ARB2A: variants seen among roughly 807,000 people sequenced by gnomAD.
ARB2A encodes the protein ARB2 cotranscriptional regulator A, also known as cotranscriptional regulator ARB2A.
chr5:93,815,650 C>G, the ARB2A span, among the ~76,000 whole-genome samples: 2 of 152,150 alleles, frequency 1.3e-5, no homozygotes, highest in East Asian at 3.9e-4. Flanking sequence ...ATGAGTGAAG[C>G]CTTAAACCTT....
the ARB2A span, among the ~76,000 whole-genome samples, chr5:93,768,410 A>T: frequency 6.6e-6 from 1 of 151,662 alleles, no homozygotes; most frequent in Non-Finnish European, 1.5e-5. Flanking sequence ...TCTAAATAAA[A>T]GGAAGTGGGA....
At chr5:93,704,765 C>G in the ARB2A span, among the ~76,000 whole-genome samples, 1 of 152,316 alleles carries the variant, frequency 6.6e-6, no homozygotes, top group African/African-American at 2.4e-5. Flanking sequence ...CCCCTTTGCT[C>G]TCCAGGCCAC....
chr5:93,651,139 CTT>C, the ARB2A span, among the ~76,000 whole-genome samples: 63 of 145,138 alleles, frequency 4.3e-4, no homozygotes, highest in Admixed American at 6.2e-4. Flanking sequence ...AAAGAACACT[CTT>C]TTTTTTTTTT....
chr5:93,711,275 G>C, the ARB2A span, among the ~76,000 whole-genome samples: 1 of 150,336 alleles, frequency 6.7e-6, no homozygotes, highest in Non-Finnish European at 1.5e-5. Context: ...AGTTGCCAAG[G>C]GTGATTTGAA....
chr5:94,100,405 C>T, the ARB2A span, among the ~76,000 whole-genome samples: 4 of 152,134 alleles, frequency 2.6e-5, no homozygotes, highest in African/African-American at 9.7e-5. Context: ...ATCAAACTAC[C>T]AAAGGCATTC....
chr5:94,024,560 G>C, the ARB2A span, among the ~76,000 whole-genome samples: 3 of 151,730 alleles, frequency 2.0e-5, no homozygotes, highest in Non-Finnish European at 4.4e-5. Flanking sequence ...TCCCTCCCCA[G>C]CCCGCCACCC....
the ARB2A span, among the ~76,000 whole-genome samples, chr5:93,640,480 A>C: frequency 6.6e-6 from 1 of 151,636 alleles, no homozygotes; most frequent in Admixed American, 6.6e-5. Flanking sequence ...CTTAATCCTT[A>C]CCTTATGGAT....
the ARB2A span, among the ~76,000 whole-genome samples, chr5:94,007,716 A>G: frequency 2.0e-5 from 3 of 150,572 alleles, no homozygotes; most frequent in Non-Finnish European, 4.4e-5. Context: ...CGGAGGTTGT[A>G]GTAAGCTGAG....
the ARB2A span, among the ~76,000 whole-genome samples, chr5:94,054,289 C>T: frequency 6.6e-6 from 1 of 152,046 alleles, no homozygotes; most frequent in Admixed American, 6.6e-5. Context: ...TTCCAGGATT[C>T]CATTCAGGAC....
At chr5:94,002,925 A>C in the ARB2A span, among the ~76,000 whole-genome samples, 1 of 152,162 alleles carries the variant, frequency 6.6e-6, no homozygotes, top group African/African-American at 2.4e-5. Context: ...AGGAAGGACA[A>C]AGAAAGATTT....
the ARB2A span, among the ~76,000 whole-genome samples, chr5:94,089,708 C>T: frequency 2.0e-5 from 3 of 150,626 alleles, no homozygotes; most frequent in African/African-American, 7.3e-5. Flanking sequence ...ACTAAGTATA[C>T]AAACATATTC....
chr5:93,876,509 T>A, the ARB2A span, among the ~76,000 whole-genome samples: 2 of 152,090 alleles, frequency 1.3e-5, no homozygotes, highest in Non-Finnish European at 2.9e-5. Flanking sequence ...TGCTACATAA[T>A]CTACCAGTCA....
chr5:94,058,045 G>A, the ARB2A span, among the ~76,000 whole-genome samples: 1 of 151,896 alleles, frequency 6.6e-6, no homozygotes, highest in Non-Finnish European at 1.5e-5. Flanking sequence ...AATTACCCAA[G>A]GACAGGGAAA....
chr5:94,077,751 C>T, the ARB2A span, among the ~76,000 whole-genome samples: 5 of 152,150 alleles, frequency 3.3e-5, no homozygotes. Flanking sequence ...AAGGTTTTTA[C>T]TGATGTGAAT....
the ARB2A span, among the ~76,000 whole-genome samples, chr5:94,021,420 G>A: frequency 6.6e-6 from 1 of 152,206 alleles, no homozygotes; most frequent in Admixed American, 6.5e-5. Context: ...GTGATGGACA[G>A]CATCCTGTTT....
chr5:93,990,295 A>G, the ARB2A span, among the ~76,000 whole-genome samples: 11 of 152,256 alleles, frequency 7.2e-5, no homozygotes, highest in Middle Eastern at 3.4e-3. Flanking sequence ...CAGCAACTAC[A>G]TTATAGATTA....
chr5:94,035,336 A>T, the ARB2A span, among the ~76,000 whole-genome samples: 7 of 152,226 alleles, frequency 4.6e-5, no homozygotes, highest in East Asian at 5.8e-4. Context: ...TATATTTTTT[A>T]AACATAATGA....
chr5:93,969,480 T>C, the ARB2A span, among the ~76,000 whole-genome samples: 1 of 152,114 alleles, frequency 6.6e-6, no homozygotes, highest in Non-Finnish European at 1.5e-5. Flanking sequence ...AAAATAATTT[T>C]GAGATTATAT....
At chr5:93,886,873 T>C in the ARB2A span, among the ~76,000 whole-genome samples, 1 of 151,802 alleles carries the variant, frequency 6.6e-6, no homozygotes, top group African/African-American at 2.4e-5. Context: ...TGTAGCTTCA[T>C]GAAATCTAAT....
Sources: allele counts gnomAD v4.1 joint callset (sites outside exome capture counted in the v4.1 genomes callset), GRCh38; gene constraint gnomAD v4.1.1; transcripts MANE v1.5; gene names NCBI Gene and HGNC (gene_info 2026-07-23, HGNC 2026-07-21).